Variants in PPP3R1 observed in about 807,000 individuals in gnomAD.
The protein encoded by PPP3R1 is calcineurin subunit B type 1.
PPP3R1 carries 5 observed loss-of-function variants against 22.6 expected under a neutral mutation model. The observed-to-expected ratio is 0.22, with a 90% CI of 0.12 to 0.46. PPP3R1 has a LOEUF of 0.46. Ranked by LOEUF, PPP3R1 falls within the 20% of genes least tolerant of loss-of-function variation. PPP3R1 has a pLI of 0.99. For missense variants in PPP3R1, 61 were observed against 203.2 expected (o/e 0.30, Z 4.25); for synonymous variants, 56 against 65.2 (o/e 0.86, Z 0.68).
At chr2:68,249,436 T>A (rs933599448) in intron 1 of PPP3R1, among the ~76,000 whole-genome samples, 5 of 152,166 alleles carry the variant, frequency 3.3e-5, no homozygotes, top group Admixed American at 6.5e-5. Context: ...AAAAAAAATT[T>A]AAAAGTTTAA....
intron 1 of PPP3R1, among the ~76,000 whole-genome samples, chr2:68,240,475 C>T (rs1319689753): frequency 6.6e-6 from 1 of 152,150 alleles, no homozygotes; most frequent in Non-Finnish European, 1.5e-5. Flanking sequence ...TCACAGAGTT[C>T]ACATTAAATC....
At chr2:68,185,365 A>G (rs1424479759) in intron 5 of PPP3R1, among the ~76,000 whole-genome samples, 1 of 148,728 alleles carries the variant, frequency 6.7e-6, no homozygotes, top group Admixed American at 6.7e-5. Context: ...GATGTGATAT[A>G]CTTATTACAT....
chr2:68,215,470 C>T (rs1024413485), intron 2 of PPP3R1, among the ~76,000 whole-genome samples: 2 of 152,052 alleles, frequency 1.3e-5, no homozygotes, highest in African/African-American at 4.8e-5. Context: ...CCAACAAATC[C>T]AAATCACAAC....
At chr2:68,225,399 G>C (rs1669763411) in intron 1 of PPP3R1, among the ~76,000 whole-genome samples, 1 of 152,204 alleles carries the variant, frequency 6.6e-6, no homozygotes, top group South Asian at 2.1e-4. Context: ...GGGGATAAGA[G>C]TGACCTCTAG....
At chr2:68,240,969 C>A (rs1346130935) in intron 1 of PPP3R1, among the ~76,000 whole-genome samples, 1 of 152,134 alleles carries the variant, frequency 6.6e-6, no homozygotes, top group African/African-American at 2.4e-5. Flanking sequence ...GTCGCAGAAG[C>A]CAAAAGAGGA....
intron 1 of PPP3R1, among the ~76,000 whole-genome samples, chr2:68,247,938 G>T (rs777095038): frequency 3.5e-4 from 53 of 151,846 alleles, no homozygotes; most frequent in Non-Finnish European, 1.0e-4. Flanking sequence ...TTATCCACCC[G>T]GCCATCAGAA....
intron 3 of PPP3R1, among the ~76,000 whole-genome samples, chr2:68,188,253 T>G (rs1383745015): frequency 1.3e-5 from 2 of 152,160 alleles, no homozygotes; most frequent in Non-Finnish European, 2.9e-5. Flanking sequence ...GTGAGATTAA[T>G]TTTCTAAAAA....
At chr2:68,205,862 CA>C in intron 2 of PPP3R1, among the ~76,000 whole-genome samples, 1 of 152,060 alleles carries the variant, frequency 6.6e-6, no homozygotes, top group Non-Finnish European at 1.5e-5. Flanking sequence ...TCTTGTTGCC[CA>C]GGCTGGAGTG....
chr2:68,244,485 C>T (rs1670195997), intron 1 of PPP3R1, among the ~76,000 whole-genome samples: 1 of 152,166 alleles, frequency 6.6e-6, no homozygotes, highest in African/African-American at 2.4e-5. Flanking sequence ...ATTTAGGCCA[C>T]CTGCTATGAA....
intron 1 of PPP3R1, among the ~76,000 whole-genome samples, chr2:68,230,851 T>C (rs1191078646): frequency 2.0e-5 from 3 of 152,226 alleles, no homozygotes; most frequent in Non-Finnish European, 4.4e-5. Flanking sequence ...ATTAGAAACC[T>C]GCTATCATTT....
intron 1 of PPP3R1, among the ~76,000 whole-genome samples, chr2:68,236,411 C>T (rs1363851191): frequency 6.6e-6 from 1 of 152,144 alleles, no homozygotes; most frequent in Non-Finnish European, 1.5e-5. Context: ...AAGAGTTTTC[C>T]AACTCATGAT....
At chr2:68,233,112 C>T (rs1160333107) in intron 1 of PPP3R1, among the ~76,000 whole-genome samples, 4 of 152,104 alleles carry the variant, frequency 2.6e-5, no homozygotes, top group South Asian at 4.1e-4. Context: ...TCCTCAGTTA[C>T]CACACAATTA....
chr2:68,194,985 G>A (rs1674738426), intron 2 of PPP3R1, among the ~76,000 whole-genome samples: 1 of 152,060 alleles, frequency 6.6e-6, no homozygotes, highest in African/African-American at 2.4e-5. Flanking sequence ...TGTAATGTGG[G>A]ATCCAGGAGA....
chr2:68,220,081 T>C lies in PPP3R1; in HGVS notation c.4-2950A>G, dbSNP rs1285210303. ...CAAACAACATTTATCAGGCATTTTC[T>C]GTGATCATCTATATAAGAAAACAAA... On this transcript the variant is annotated intron_variant, in intron 1 of 5. Coordinates refer to ENST00000234310, the MANE Select transcript of PPP3R1 (RefSeq NM_000945.4). Among the ~76,000 whole-genome samples, 6 of 152,234 alleles carry C rather than the reference T, an allele frequency of 3.9e-5. No homozygotes were observed. The East Asian group carries it at 9.6e-4, about 24-fold the overall frequency.
intron 2 of PPP3R1, among the ~76,000 whole-genome samples, chr2:68,192,610 A>C (rs568823218): frequency 1.8e-4 from 28 of 152,204 alleles, no homozygotes; most frequent in Non-Finnish European, 3.2e-4. Flanking sequence ...TTCAGTCTTA[A>C]TAAATGAATA....
intron 1 of PPP3R1, among the ~76,000 whole-genome samples, chr2:68,237,467 A>G (rs1330843566): frequency 1.3e-5 from 2 of 152,134 alleles, no homozygotes; most frequent in Non-Finnish European, 2.9e-5. Flanking sequence ...CATAATATCA[A>G]ATTAAATTTA....
chr2:68,200,539 G>T (rs908984644), intron 2 of PPP3R1, among the ~76,000 whole-genome samples: 19 of 152,202 alleles, frequency 1.2e-4, no homozygotes, highest in African/African-American at 4.3e-4. Context: ...AAGAAACCTT[G>T]AAGATGACAA....
intron 2 of PPP3R1, among the ~76,000 whole-genome samples, chr2:68,198,258 T>C (rs1350251240): frequency 8.9e-5 from 13 of 146,738 alleles, no homozygotes; most frequent in East Asian, 2.0e-4. Flanking sequence ...CATACATATG[T>C]ATACATACAT....
intron 2 of PPP3R1, among the ~76,000 whole-genome samples, chr2:68,203,494 G>A (rs534977879): frequency 1.5e-4 from 23 of 152,096 alleles, no homozygotes; most frequent in African/African-American, 4.8e-4. Context: ...CCAGCTACTC[G>A]GGAGGCTGAG....
Sources: gnomAD v4.1 joint callset for allele counts (sites outside exome capture counted in the v4.1 genomes callset) on GRCh38, gnomAD v4.1.1 for gene constraint, MANE v1.5 for transcripts, NCBI Gene and HGNC (gene_info 2026-07-23, HGNC 2026-07-21) for gene names.